SUPT3H: variants seen among roughly 807,000 people sequenced by gnomAD.
The protein encoded by SUPT3H is SPT3 homolog, SAGA and STAGA complex component.
Under a neutral mutation model 44.3 loss-of-function variants are expected in SUPT3H, and 44 were observed. The ratio of observed to expected loss-of-function variants is 0.99; its 90% CI spans 0.78 to 1.28. The LOEUF (loss-of-function observed/expected upper bound fraction) is 1.28. Among genes scored for constraint, SUPT3H ranks in the 50% most tolerant of loss-of-function variants. The probability of loss-of-function intolerance (pLI) is 0.00; values close to 1 mark genes in which losing one functional copy is unlikely to be tolerated. For missense variants in SUPT3H, 380 were observed against 387.1 expected (o/e 0.98, Z 0.15); for synonymous variants, 124 against 125.6 (o/e 0.99, Z 0.09).
intron 7 of SUPT3H, among the ~76,000 whole-genome samples, chr6:44,959,882 C>T (rs908970136): frequency 5.3e-5 from 8 of 152,136 alleles, no homozygotes; most frequent in Non-Finnish European, 1.2e-4. Flanking sequence ...AAGAGCATAA[C>T]ACTCTGACGA....
chr6:45,323,191 T>C (rs1785789224), intron 2 of SUPT3H, among the ~76,000 whole-genome samples: 1 of 152,130 alleles, frequency 6.6e-6, no homozygotes, highest in Admixed American at 6.6e-5. Flanking sequence ...CTTGTATACA[T>C]TGGTTATCAA....
intron 2 of SUPT3H, among the ~76,000 whole-genome samples, chr6:45,326,776 G>A (rs1043345187): frequency 2.9e-4 from 44 of 151,846 alleles, no homozygotes; most frequent in African/African-American, 1.1e-3. Context: ...GAAGAACACA[G>A]GGATATTTTA....
chr6:44,877,086 T>C (rs1312482015), intron 10 of SUPT3H, among the ~76,000 whole-genome samples: 1 of 152,184 alleles, frequency 6.6e-6, no homozygotes, highest in African/African-American at 2.4e-5. Flanking sequence ...TCAAATAATG[T>C]AGCCTTCTTT....
chr6:44,943,723 A>T (rs1582657438), intron 9 of SUPT3H, among the ~76,000 whole-genome samples: 1 of 152,166 alleles, frequency 6.6e-6, no homozygotes, highest in East Asian at 1.9e-4. Flanking sequence ...TAGAGAAAAA[A>T]GTGGAATGAC....
intron 3 of SUPT3H, among the ~76,000 whole-genome samples, chr6:45,047,720 A>ATTTATATTCCCACCACT (rs1187483959): frequency 6.6e-6 from 1 of 152,060 alleles, no homozygotes; most frequent in Non-Finnish European, 1.5e-5. Flanking sequence ...CTAGTGTGCA[A>ATTTATATTCCCACCACT]AGGTTCTCTT....
intron 2 of SUPT3H, among the ~76,000 whole-genome samples, chr6:45,147,200 C>T (rs554974603): frequency 6.6e-6 from 1 of 152,102 alleles, no homozygotes; most frequent in South Asian, 2.1e-4. Flanking sequence ...AGTCTAGCTT[C>T]ACAGACTGTT....
intron 2 of SUPT3H, among the ~76,000 whole-genome samples, chr6:45,106,277 C>T (rs541943172): frequency 6.6e-6 from 1 of 151,976 alleles, no homozygotes; most frequent in African/African-American, 2.4e-5. Context: ...ACAATAAATA[C>T]AAAAATTAGC....
chr6:45,363,381 C>T (rs1794595563), intron 2 of SUPT3H, among the ~76,000 whole-genome samples: 1 of 151,916 alleles, frequency 6.6e-6, no homozygotes, highest in South Asian at 2.1e-4. Flanking sequence ...CTTTAAAATA[C>T]TTCATATTTT....
At chr6:45,370,619 G>A (rs556682309) in intron 1 of SUPT3H, among the ~76,000 whole-genome samples, 2 of 152,000 alleles carry the variant, frequency 1.3e-5, no homozygotes, top group Non-Finnish European at 2.9e-5. Context: ...TCTCTGTCAG[G>A]AATAATTTAT....
At chr6:45,082,015 G>A (rs1457153317) in intron 3 of SUPT3H, among the ~76,000 whole-genome samples, 1 of 151,936 alleles carries the variant, frequency 6.6e-6, no homozygotes, top group African/African-American at 2.4e-5. Flanking sequence ...CCACATCTAT[G>A]GCATTTTACA....
At chr6:45,026,270 G>T (rs1409544337) in intron 3 of SUPT3H, among the ~76,000 whole-genome samples, 1 of 152,112 alleles carries the variant, frequency 6.6e-6, no homozygotes, top group African/African-American at 2.4e-5. Context: ...AAGACTGAAA[G>T]AACCTGGAGT....
chr6:44,973,687 T>C lies in SUPT3H; in HGVS notation c.505-11859A>G, dbSNP rs184136942. Among the ~76,000 whole-genome samples, 157 of 152,320 alleles carry C rather than the reference T, an allele frequency of 1.0e-3. 1 individual carries two copies. The highest frequency in any genetic ancestry group is 9.3e-3 in the Admixed American group (142 of 15,298). ...TGTTTTCACACTGCTAATAAAGACA[T>C]ACCAGAGATTGGGTAATTTATAAAG... On this transcript the variant is annotated intron_variant, in intron 6 of 10. Transcript: ENST00000371459.
Position 44,826,756 on chromosome 6 carries a change from GT to G in SUPT3H, c.*3059del, listed in dbSNP as rs1767791700. Among the ~76,000 whole-genome samples, 1 of 152,058 alleles carries G rather than the reference GT, an allele frequency of 6.6e-6. No homozygotes were observed. Among genetic ancestry groups the G allele is most frequent in the Admixed American group, 6.5e-5 (1 of 15,282 alleles). ...TTTCAGACCAAGAATCACCAGTTAT[GT>G]TTATTTGTCTTCTACATGGTAAAAG... On this transcript the variant is annotated 3_prime_UTR_variant, in exon 11 of 11. Coordinates refer to ENST00000371459, the MANE Select transcript of SUPT3H (RefSeq NM_003599.4).
At chr6:45,350,913 C>T (rs966403808) in intron 2 of SUPT3H, among the ~76,000 whole-genome samples, 12 of 152,132 alleles carry the variant, frequency 7.9e-5, no homozygotes, top group Admixed American at 7.2e-4. Flanking sequence ...ACAGCAAGAG[C>T]GAACACTACC....
intron 2 of SUPT3H, among the ~76,000 whole-genome samples, chr6:45,345,919 C>T (rs1364827281): frequency 6.6e-6 from 1 of 152,130 alleles, no homozygotes; most frequent in Non-Finnish European, 1.5e-5. Flanking sequence ...GCTCCAAATG[C>T]CTCATCCCTG....
At chr6:44,892,137 G>T (rs377129488) in intron 10 of SUPT3H, among the ~76,000 whole-genome samples, 1 of 152,144 alleles carries the variant, frequency 6.6e-6, no homozygotes, top group Admixed American at 6.5e-5. Flanking sequence ...TGGGAGAACT[G>T]CTATGGACTG....
intron 6 of SUPT3H, among the ~76,000 whole-genome samples, chr6:44,973,687 T>G (rs184136942): frequency 6.6e-6 from 1 of 152,202 alleles, no homozygotes; most frequent in South Asian, 2.1e-4. Flanking sequence ...AATAAAGACA[T>G]ACCAGAGATT....
intron 2 of SUPT3H, among the ~76,000 whole-genome samples, chr6:45,268,458 T>G (rs773469468): frequency 2.6e-5 from 4 of 152,306 alleles, no homozygotes; most frequent in African/African-American, 4.8e-5. Context: ...CTTAAAATAT[T>G]TTTTAATGAA....
rs74735475 is a variant in SUPT3H, at chr6:44,910,630, A to G, written c.912+22023T>C. On this transcript the variant is annotated intron_variant, in intron 10 of 10. Transcript: ENST00000371459. ...AAGATTGTGAATCTTCTTCATAATT[A>G]GGCAAATATTTTCATTTCCTTTTTC... is the stretch of plus-strand genomic sequence containing the variant. 3.9e-3 allele frequency among the ~76,000 whole-genome samples: 596 copies of G among 152,194 alleles called. 7 individuals carry two copies. Among genetic ancestry groups the G allele is most frequent in the African/African-American group, 0.014 (567 of 41,530 alleles).
Sources: gnomAD v4.1 joint callset for allele counts (sites outside exome capture counted in the v4.1 genomes callset) on GRCh38, gnomAD v4.1.1 for gene constraint, MANE v1.5 for transcripts, NCBI Gene and HGNC (gene_info 2026-07-23, HGNC 2026-07-21) for gene names.